Variants in SOX5 observed in about 807,000 individuals in gnomAD.
SOX5 encodes the protein SRY-box transcription factor 5, also known as transcription factor SOX-5.
In SOX5, 9 loss-of-function variants were observed where a neutral mutation model predicts 92.0. The observed-to-expected ratio is 0.10, with a 90% CI of 0.06 to 0.17. SOX5 has a LOEUF of 0.17. Among genes scored for constraint, SOX5 ranks in the 10% least tolerant of loss-of-function variants. The probability of loss-of-function intolerance (pLI) is 1.00; values close to 1 mark genes in which losing one functional copy is unlikely to be tolerated. For synonymous variants in SOX5, 344 were observed against 336.3 expected (o/e 1.02, Z -0.25); for missense variants, 642 against 944.5 (o/e 0.68, Z 4.20).
At position 23,678,473 on chromosome 12, in the gene SOX5, A is replaced by C. The variant is rs1368656210; in HGVS notation, c.811-12909T>G. On this transcript the variant is annotated intron_variant, in intron 6 of 14. Coordinates refer to ENST00000451604, the MANE Select transcript of SOX5 (RefSeq NM_006940.6). ...TAGAAATAATTTTTCTTTGTCATCAAAATTGTGGCAATTCTAATTTTATAT... is the reference window on the plus strand; with the variant it reads ...TAGAAATAATTTTTCTTTGTCATCACAATTGTGGCAATTCTAATTTTATAT... Among the ~76,000 whole-genome samples the C allele has an allele frequency of 2.0e-5, 3 of 152,086 alleles. No individual in the cohort carries two copies. In the East Asian group the frequency reaches 5.8e-4, roughly 29 times the overall value.
intron 2 of SOX5, among the ~76,000 whole-genome samples, chr12:23,887,945 G>GTGTGTT (rs1447141656): frequency 6.6e-6 from 1 of 151,740 alleles, no homozygotes; most frequent in African/African-American, 2.4e-5. Flanking sequence ...GTGTGTGTGT[G>GTGTGTT]TGTGTATTTA....
At chr12:24,506,045 A>T (rs185308314) in intron 1 of SOX5, among the ~76,000 whole-genome samples, 1 of 152,340 alleles carries the variant, frequency 6.6e-6, no homozygotes, top group African/African-American at 2.4e-5. Context: ...TCCTCATGAT[A>T]TACTATTAAT....
chr12:24,524,572 C>T (rs1277162750), intron 1 of SOX5, among the ~76,000 whole-genome samples: 1 of 151,970 alleles, frequency 6.6e-6, no homozygotes, highest in Non-Finnish European at 1.5e-5. Context: ...TGAAAAGATG[C>T]CTAATGCCAC....
chr12:23,618,134 G>A (rs1371789073), intron 8 of SOX5, among the ~76,000 whole-genome samples: 1 of 152,072 alleles, frequency 6.6e-6, no homozygotes, highest in Non-Finnish European at 1.5e-5. Context: ...TGGCTGGAAG[G>A]CTCTTCAGAT....
intron 2 of SOX5, among the ~76,000 whole-genome samples, chr12:23,885,883 C>CA (rs34898602): frequency 0.028 from 3,996 of 143,054 alleles, 81 homozygotes; most frequent in African/African-American, 0.062. Context: ...AAGAAAATGG[C>CA]AAAAAAAAAA....
At chr12:24,324,343 A>G (rs143061320) in intron 2 of SOX5, among the ~76,000 whole-genome samples, 162 of 152,280 alleles carry the variant, frequency 1.1e-3, no homozygotes, top group African/African-American at 3.8e-3. Flanking sequence ...ATGGATACAT[A>G]TATTAAACTG....
rs113059073 is a variant in SOX5 at position 24,181,570 on chromosome 12, A to G, written c.-2+31773T>C. 3.5e-3 allele frequency among the ~76,000 whole-genome samples: 538 copies of G among 152,248 alleles called. 1 individual carries two copies. Among genetic ancestry groups the G allele is most frequent in the Non-Finnish European group, 5.3e-3 (360 of 67,998 alleles). On this transcript the variant is annotated intron_variant, in intron 4 of 4. Transcript: ENST00000446891. ...ACTTCTTGGGTCTCAATTTCCTCCT[A>G]TGTATATGAGGATCATAATATACCC...
chr12:23,928,519 ATTG>A (rs1211476790), intron 1 of SOX5, among the ~76,000 whole-genome samples: 1 of 152,012 alleles, frequency 6.6e-6, no homozygotes, highest in African/African-American at 2.4e-5. Context: ...CATTTTATTC[ATTG>A]TTAAGCTGAA....
At chr12:24,374,961 T>C (rs1470084195) in intron 1 of SOX5, among the ~76,000 whole-genome samples, 3 of 152,016 alleles carry the variant, frequency 2.0e-5, no homozygotes, top group Non-Finnish European at 4.4e-5. Flanking sequence ...CTGAGAGTGG[T>C]GTCTCTTATT....
intron 4 of SOX5, among the ~76,000 whole-genome samples, chr12:24,155,330 T>G (rs1258308586): frequency 1.3e-5 from 2 of 152,168 alleles, no homozygotes; most frequent in Admixed American, 1.3e-4. Flanking sequence ...TCCCATTTTT[T>G]TCTTCTATTA....
chr12:24,037,882 G>A (rs143635125), intron 4 of SOX5, among the ~76,000 whole-genome samples: 8 of 151,994 alleles, frequency 5.3e-5, no homozygotes, highest in Non-Finnish European at 7.4e-5. Flanking sequence ...TACTATTACC[G>A]GGCCAGTTGC....
chr12:23,816,855 A>G (rs2096005420), intron 3 of SOX5, among the ~76,000 whole-genome samples: 1 of 152,194 alleles, frequency 6.6e-6, no homozygotes, highest in African/African-American at 2.4e-5. Context: ...GGATGGCACA[A>G]ATACCACATC....
chr12:23,692,147 T>A (rs1214064228), intron 6 of SOX5, among the ~76,000 whole-genome samples: 2 of 152,082 alleles, frequency 1.3e-5, no homozygotes, highest in Non-Finnish European at 2.9e-5. Context: ...TAAAAATGAT[T>A]TATGGCTGGG....
intron 4 of SOX5, among the ~76,000 whole-genome samples, chr12:24,099,718 T>C (rs970680344): frequency 6.6e-6 from 1 of 152,268 alleles, no homozygotes; most frequent in East Asian, 1.9e-4. Context: ...GCCACTATCC[T>C]ATTGGTTTCT....
At chr12:23,595,119 A>T (rs957842343) in intron 9 of SOX5, among the ~76,000 whole-genome samples, 2 of 152,168 alleles carry the variant, frequency 1.3e-5, no homozygotes, top group Non-Finnish European at 2.9e-5. Context: ...CTGTAGTTCT[A>T]CTGGCTTGAA....
At chr12:24,302,563 T>C (rs1595373586) in intron 2 of SOX5, among the ~76,000 whole-genome samples, 1 of 152,112 alleles carries the variant, frequency 6.6e-6, no homozygotes, top group African/African-American at 2.4e-5. Flanking sequence ...TTTGATTTTT[T>C]TTTTTCCCTA....
intron 4 of SOX5, among the ~76,000 whole-genome samples, chr12:24,167,645 G>A (rs534856280): frequency 1.3e-5 from 2 of 152,314 alleles, no homozygotes; most frequent in South Asian, 4.1e-4. Context: ...AATCTTAAAT[G>A]AGTCTACAGA....
At chr12:23,924,149 T>C (rs1251999729) in intron 1 of SOX5, among the ~76,000 whole-genome samples, 1 of 152,218 alleles carries the variant, frequency 6.6e-6, no homozygotes, top group Non-Finnish European at 1.5e-5. Context: ...TTTAGTATGT[T>C]AGACTAGCTA....
At chr12:23,641,641 G>T (rs1367373005) in intron 7 of SOX5, among the ~76,000 whole-genome samples, 1 of 152,028 alleles carries the variant, frequency 6.6e-6, no homozygotes. Flanking sequence ...CATAGAGAAG[G>T]TTATTCTGCT....
Sources: allele counts gnomAD v4.1 joint callset (sites outside exome capture counted in the v4.1 genomes callset), GRCh38; gene constraint gnomAD v4.1.1; transcripts MANE v1.5; gene names NCBI Gene and HGNC (gene_info 2026-07-23, HGNC 2026-07-21).